NID1: variants seen among roughly 807,000 people sequenced by gnomAD.
NID1 encodes nidogen-1.
A neutral mutation model predicts 130.6 loss-of-function variants in NID1; 76 were observed. That is an observed-to-expected ratio of 0.58 (90% CI 0.48 to 0.70). The LOEUF (loss-of-function observed/expected upper bound fraction) is 0.70. Ranked by LOEUF, NID1 falls within the 30% of genes least tolerant of loss-of-function variation. The probability of loss-of-function intolerance (pLI) is 0.00; values close to 1 mark genes in which losing one functional copy is unlikely to be tolerated. For synonymous variants in NID1, 665 were observed against 675.1 expected (o/e 0.98, Z 0.23); for missense variants, 1,517 against 1,664.8 (o/e 0.91, Z 1.54).
At chr1:236,006,461 A>G (rs530155596) in intron 12 of NID1, among the ~76,000 whole-genome samples, 1 of 152,320 alleles carries the variant, frequency 6.6e-6, no homozygotes, top group East Asian at 1.9e-4. Flanking sequence ...TTTAGAGGAC[A>G]AAGGAGTGTG....
chr1:236,000,780 G>A (rs529870779), intron 12 of NID1, among the ~76,000 whole-genome samples: 27 of 152,290 alleles, frequency 1.8e-4, no homozygotes, highest in African/African-American at 6.5e-4. Context: ...GATTAAATTG[G>A]TTTCTCTGTG....
At chr1:236,046,981 C>T (rs934867193) in intron 2 of NID1, among the ~76,000 whole-genome samples, 6 of 152,194 alleles carry the variant, frequency 3.9e-5, no homozygotes, top group African/African-American at 1.2e-4. Context: ...AATGGTGGCT[C>T]ACGCCCTTAG....
Position 235,993,820 on chromosome 1 carries a change from C to T in NID1, c.2580G>A (p.Ala860=), listed in dbSNP as rs761041117. Residue 860 remains alanine, a synonymous_variant, in exon 13 of 20, where the codon GCG becomes GCA. Transcript: ENST00000264187. ...TGGGTCGCTGTGGGTCTGTCGCCCCCGCTGCCCCGAGAATGTGTTCTCGCT... is the reference window on the plus strand; with the variant it reads ...TGGGTCGCTGTGGGTCTGTCGCCCCTGCTGCCCCGAGAATGTGTTCTCGCT... ...QHEREHILGA[A]GATDPQRPIP... is the part of the protein sequence containing the mutation. The T allele has an allele frequency of 3.7e-6, 6 of 1,614,116 alleles. No individual in the cohort carries two copies. The highest frequency in any genetic ancestry group is 2.2e-5 in the South Asian group (2 of 91,090).
intron 12 of NID1, among the ~76,000 whole-genome samples, chr1:236,003,808 T>A (rs1273065832): frequency 6.6e-6 from 1 of 152,072 alleles, no homozygotes; most frequent in Non-Finnish European, 1.5e-5. Flanking sequence ...AGGTGGAGGC[T>A]GCAGTGAGCT....
chr1:235,983,845 GGAAA>G (rs1657503073), intron 15 of NID1, among the ~76,000 whole-genome samples: 1 of 152,056 alleles, frequency 6.6e-6, no homozygotes, highest in South Asian at 2.1e-4. Flanking sequence ...TGTAACTCAA[GGAAA>G]GAAAGAAAGC....
In NID1 at chr1:236,029,362, T is replaced by C. The variant is rs977920679; in HGVS notation, c.1738+188A>G. ...TCTAACTCATGCGTATTGTCTTTTT[T>C]GCACAAAATTCTCTACAAGGAGTAG... is the stretch of plus-strand genomic sequence containing the variant. On this transcript the variant is annotated intron_variant, in intron 7 of 19. Coordinates refer to ENST00000264187, the MANE Select transcript of NID1 (RefSeq NM_002508.3). Among the ~76,000 whole-genome samples, 4 of 152,240 alleles carry C rather than the reference T, an allele frequency of 2.6e-5. No homozygotes were observed. The South Asian group carries it at 8.3e-4, about 32-fold the overall frequency.
At chr1:236,011,077 C>A (rs79224675) in intron 12 of NID1, among the ~76,000 whole-genome samples, 2,897 of 152,028 alleles carry the variant, frequency 0.019, 87 homozygotes, top group African/African-American at 0.064. Context: ...GCTCACAGGT[C>A]CTCAATGAGC....
chr1:236,050,920 A>G (rs1016971941), intron 1 of NID1, among the ~76,000 whole-genome samples: 2 of 150,136 alleles, frequency 1.3e-5, no homozygotes, highest in Admixed American at 6.6e-5. Context: ...TCTACTAAAA[A>G]TACAAAAAAA....
intron 6 of NID1, among the ~76,000 whole-genome samples, chr1:236,030,572 C>G (rs1230035067): frequency 6.6e-6 from 1 of 152,210 alleles, no homozygotes; most frequent in Non-Finnish European, 1.5e-5. Context: ...CATGCTCATT[C>G]ATTTATATAT....
chr1:236,064,676 C>G (rs376007489), intron 1 of NID1, 179 bp downstream of exon 1: 3 of 646,940 alleles, frequency 4.6e-6, no homozygotes, highest in Admixed American at 2.3e-5. Context: ...TAGCAGGGAC[C>G]GGGTCGGGAA....
chr1:236,025,639 C>G (rs1207475584), intron 8 of NID1, among the ~76,000 whole-genome samples: 2 of 152,180 alleles, frequency 1.3e-5, no homozygotes, highest in African/African-American at 4.8e-5. Flanking sequence ...AGAGGGTCCA[C>G]TCTGTAAGGC....
At chr1:236,060,784 C>A (rs1660018032) in intron 1 of NID1, 2 of 147,296 alleles carry the variant, frequency 1.4e-5, no homozygotes, top group African/African-American at 2.5e-5. Flanking sequence ...AAAAAAAAAT[C>A]TGTTGGGTTC....
Position 235,977,941 on chromosome 1 carries a change from A to G in NID1, c.3670T>C (p.Leu1224=). 1 of 1,614,178 alleles carries G rather than the reference A, an allele frequency of 6.2e-7. No homozygotes were observed. The highest frequency in any genetic ancestry group is 1.3e-5 in the African/African-American group (1 of 75,046). The change falls in exon 20 of 20, where the codon TTG becomes CTG. Residue 1224 remains leucine (L), a synonymous_variant. Transcript: ENST00000264187. The part of the protein sequence containing the change: ...VNNGGCTHLC[L]ATPGSRTCRC... ...CAGGTCCTGCTCCCTGGGGTGGCCA[A>G]GCATAGGTGGGTGCAGCCGCCATTG...
chr1:236,031,060 A>G (rs1377424779), intron 6 of NID1, among the ~76,000 whole-genome samples: 1 of 152,162 alleles, frequency 6.6e-6, no homozygotes, highest in Non-Finnish European at 1.5e-5. Context: ...TAGGAAGAAA[A>G]AACATTAGGC....
At chr1:236,063,483 T>TAA (rs1558454457) in intron 1 of NID1, among the ~76,000 whole-genome samples, 2 of 135,074 alleles carry the variant, frequency 1.5e-5, no homozygotes, top group African/African-American at 6.2e-5. Context: ...AAAAAAAAAA[T>TAA]AAATAAATAA....
At chr1:236,062,588 T>G (rs1385764917) in intron 1 of NID1, among the ~76,000 whole-genome samples, 3 of 142,188 alleles carry the variant, frequency 2.1e-5, no homozygotes, top group Non-Finnish European at 4.5e-5. Flanking sequence ...GAGCTAAGAT[T>G]GAGCCACTGT....
chr1:236,045,820 C>A (rs923066234), intron 2 of NID1, 137 bp from the exon 3 acceptor site: 1 of 675,660 alleles, frequency 1.5e-6, no homozygotes, highest in Non-Finnish European at 2.5e-6. Flanking sequence ...AAAAGAAGGA[C>A]TTTTGTAGCA....
rs1657830313 is a variant in NID1 at position 235,993,672 on chromosome 1, T to C, written c.2728A>G (p.Arg910Gly). ...GGGGGCGTCATCCCGGGCCTGGTCC[T>C]GGTGCCCTCCACCTCGCGGCCGTCG... ...DRDGREVEGTRTRPGMTPPCL... is the reference protein window; with the variant it reads ...DRDGREVEGTGTRPGMTPPCL... Residue 910 changes from arginine (R) to glycine (G), a missense_variant, in exon 13 of 20, where the codon AGG becomes GGG. Physicochemically the swap from Arg to Gly is moderately radical, Grantham distance 125. Around this residue, in one of 3 missense-constraint regions of NID1, gnomAD observed 1,329 missense variants for 1,429.2 expected, o/e 0.93. Coordinates refer to ENST00000264187, the MANE Select transcript of NID1 (RefSeq NM_002508.3). The C allele has an allele frequency of 5.7e-6, 9 of 1,573,986 alleles. 1 individual carries two copies. Among genetic ancestry groups the C allele is most frequent in the Non-Finnish European group, 7.8e-6 (9 of 1,155,376 alleles).
intron 12 of NID1, among the ~76,000 whole-genome samples, chr1:236,011,441 T>C (rs1295013847): frequency 6.6e-6 from 1 of 151,982 alleles, no homozygotes; most frequent in Non-Finnish European, 1.5e-5. Context: ...TAGCTGGGAT[T>C]ACAGGCACAA....
Sources: gnomAD v4.1 joint callset for allele counts (sites outside exome capture counted in the v4.1 genomes callset) on GRCh38, gnomAD v4.1.1 for gene constraint, gnomAD v4.1.1 regional missense constraint, MANE v1.5 for transcripts, NCBI Gene and HGNC (gene_info 2026-07-23, HGNC 2026-07-21) for gene names.